The following SLC9A7 variants were observed in gnomAD, a reference collection of about 807,000 sequenced individuals.
The protein encoded by SLC9A7 is solute carrier family 9 member A7.
In SLC9A7, 19 loss-of-function variants were observed where a neutral mutation model predicts 52.6. The observed-to-expected ratio is 0.36, with a 90% CI of 0.25 to 0.53. SLC9A7 has a LOEUF of 0.53. Ranked by LOEUF, SLC9A7 falls within the 20% of genes least tolerant of loss-of-function variation. The pLI is 0.91. For missense variants in SLC9A7, 455 were observed against 597.9 expected (o/e 0.76, Z 2.49); for synonymous variants, 226 against 252.1 (o/e 0.90, Z 0.98).
chrX:46,757,201 G>GTT (rs1922736262), intron 1 of SLC9A7, among the ~76,000 whole-genome samples: 1 of 111,811 alleles, frequency 8.9e-6, no homozygotes, highest in Non-Finnish European at 1.9e-5. Context: ...GTCTTCTCAG[G>GTT]AAACCTCCCA....
chrX:46,635,537 G>A, intron 13 of SLC9A7, 52 bp downstream of exon 13: 1 of 963,653 alleles, frequency 1.0e-6, no homozygotes, highest in Non-Finnish European at 1.5e-6. Flanking sequence ...AGGTTAGAAA[G>A]AGGAGAAAAG....
intron 4 of SLC9A7, among the ~76,000 whole-genome samples, chrX:46,671,347 G>A (rs922246877): frequency 1.8e-5 from 2 of 110,268 alleles, no homozygotes; most frequent in Non-Finnish European, 3.8e-5. Flanking sequence ...TGCAAGCTCC[G>A]CCTCCCGGGT....
At chrX:46,712,626 G>T (rs1457709139) in intron 1 of SLC9A7, among the ~76,000 whole-genome samples, 1 of 112,041 alleles carries the variant, frequency 8.9e-6, no homozygotes. Flanking sequence ...ATTCATTCAT[G>T]TTCACTGCTG....
At chrX:46,686,484 A>C (rs191182486) in intron 1 of SLC9A7, among the ~76,000 whole-genome samples, 63 of 112,248 alleles carry the variant, frequency 5.6e-4, no homozygotes, top group African/African-American at 1.6e-3. Context: ...GAAGGTAATT[A>C]GGTGAGAAAA....
At chrX:46,712,139 C>CT (rs1944700564) in intron 1 of SLC9A7, among the ~76,000 whole-genome samples, 1 of 111,517 alleles carries the variant, frequency 9.0e-6, no homozygotes, top group Non-Finnish European at 1.9e-5. Flanking sequence ...CTGCATCTCC[C>CT]TTTTTTAACT....
chrX:46,643,813 T>C (rs1182511006), intron 11 of SLC9A7, among the ~76,000 whole-genome samples: 1 of 112,261 alleles, frequency 8.9e-6, no homozygotes, highest in Non-Finnish European at 1.9e-5. Context: ...CAGCATTTCC[T>C]TAGCAAAAGG....
At chrX:46,675,412 G>A (rs908836223) in intron 3 of SLC9A7, among the ~76,000 whole-genome samples, 3 of 111,439 alleles carry the variant, frequency 2.7e-5, no homozygotes, top group African/African-American at 9.8e-5. Flanking sequence ...CTTTTATAGG[G>A]ACAATTTAAA....
At chrX:46,610,159 G>A (rs1385621770) in intron 16 of SLC9A7, among the ~76,000 whole-genome samples, 1 of 112,722 alleles carries the variant, frequency 8.9e-6, no homozygotes, top group East Asian at 2.8e-4. Flanking sequence ...TACGCTGAAG[G>A]TCTATATAAT....
intron 2 of SLC9A7, 109 bp downstream of exon 2, chrX:46,682,227 T>A: frequency 1.4e-6 from 1 of 735,740 alleles, no homozygotes; most frequent in Non-Finnish European, 2.0e-6. Context: ...GAGCCAGGAA[T>A]GTTACGGATA....
chrX:46,666,553 A>G (rs946992558), intron 5 of SLC9A7, among the ~76,000 whole-genome samples: 5 of 112,341 alleles, frequency 4.5e-5, no homozygotes, highest in Non-Finnish European at 9.4e-5. Context: ...ATAAGTTTAA[A>G]CTTTCAATTT....
At chrX:46,662,227 C>T (rs1299663276) in intron 6 of SLC9A7, 70 bp from the exon 7 acceptor site, 3 of 992,499 alleles carry the variant, frequency 3.0e-6, no homozygotes, top group South Asian at 2.4e-5. Flanking sequence ...TTGAAAATAT[C>T]GACAAACATA....
At chrX:46,755,925 C>G (rs1556291994) in intron 1 of SLC9A7, among the ~76,000 whole-genome samples, 1 of 109,151 alleles carries the variant, frequency 9.2e-6, no homozygotes, top group Non-Finnish European at 1.9e-5. Context: ...AGTTCCTCTC[C>G]CCCAAGGAAA....
At chrX:46,634,369 A>T (rs1463419785) in intron 13 of SLC9A7, among the ~76,000 whole-genome samples, 1 of 111,758 alleles carries the variant, frequency 8.9e-6, no homozygotes, top group Non-Finnish European at 1.9e-5. Context: ...CTCTGCTGGT[A>T]TAATTTGTCC....
intron 1 of SLC9A7, among the ~76,000 whole-genome samples, chrX:46,712,388 G>A (rs780416256): frequency 9.1e-6 from 1 of 110,431 alleles, no homozygotes; most frequent in Non-Finnish European, 1.9e-5. Flanking sequence ...TGAGAGAGTG[G>A]GGAGATGCCA....
At chrX:46,658,902 T>C (rs1943757346) in intron 7 of SLC9A7, among the ~76,000 whole-genome samples, 2 of 110,490 alleles carry the variant, frequency 1.8e-5, no homozygotes, top group South Asian at 3.9e-4. Flanking sequence ...ATACCAAAGC[T>C]GGGCAGAGAC....
chrX:46,721,725 C>T (rs1339015884), intron 1 of SLC9A7, among the ~76,000 whole-genome samples: 2 of 111,708 alleles, frequency 1.8e-5, no homozygotes, highest in African/African-American at 6.5e-5. Context: ...GACTCTCTTG[C>T]AAACAATATC....
intron 10 of SLC9A7, 97 bp downstream of exon 10, chrX:46,651,013 T>C: frequency 3.5e-6 from 1 of 286,624 alleles, no homozygotes. Context: ...TATTATATTA[T>C]TGTTATTTTA....
At chrX:46,682,672 G>T in intron 1 of SLC9A7, 137 bp from the exon 2 acceptor site, 1 of 537,762 alleles carries the variant, frequency 1.9e-6, no homozygotes, top group Non-Finnish European at 3.1e-6. Flanking sequence ...TATTTTAGGA[G>T]AAACTGCATG....
rs746395594 is a variant in SLC9A7, at chrX:46,704,519, G to T, written c.326-21984C>A. ...TGAAATTTCCTGAGTCATGAAATTGGTGTCTGGGACACAAGGAATGCTTCA... is the reference window on the plus strand; with the variant it reads ...TGAAATTTCCTGAGTCATGAAATTGTTGTCTGGGACACAAGGAATGCTTCA... On this transcript the variant is annotated intron_variant, in intron 1 of 16. Transcript: ENST00000616978. Among the ~76,000 whole-genome samples the T allele has an allele frequency of 1.7e-4, 19 of 112,020 alleles. No homozygotes were observed. In the East Asian group the frequency reaches 5.3e-3, roughly 31 times the overall value.
Sources: gnomAD v4.1 joint callset for allele counts (sites outside exome capture counted in the v4.1 genomes callset) on GRCh38, gnomAD v4.1.1 for gene constraint, MANE v1.5 for transcripts, NCBI Gene and HGNC (gene_info 2026-07-23, HGNC 2026-07-21) for gene names.